The following LSM14A variants were observed in gnomAD, a reference collection of about 807,000 sequenced individuals.
The protein encoded by LSM14A is protein LSM14 homolog A.
LSM14A carries 14 observed loss-of-function variants against 52.4 expected under a neutral mutation model. The ratio of observed to expected loss-of-function variants is 0.27; its 90% confidence interval spans 0.18 to 0.42. The LOEUF is 0.42. Among genes scored for constraint, LSM14A ranks in the 10% least tolerant of loss-of-function variants. The probability of loss-of-function intolerance (pLI) is 1.00; values close to 1 mark genes in which losing one functional copy is unlikely to be tolerated. For missense variants in LSM14A, 417 were observed against 581.8 expected (o/e 0.72, Z 2.91); for synonymous variants, 185 against 200.3 (o/e 0.92, Z 0.64).
chr19:34,204,504 G>T (rs944246169), intron 3 of LSM14A, among the ~76,000 whole-genome samples: 3 of 150,452 alleles, frequency 2.0e-5, no homozygotes, highest in Admixed American at 6.6e-5. Context: ...TTGAGGCCAG[G>T]AGTTCAAGAC....
intron 1 of LSM14A, among the ~76,000 whole-genome samples, chr19:34,192,465 A>G (rs1429945877): frequency 4.7e-5 from 7 of 150,250 alleles, no homozygotes; most frequent in African/African-American, 1.2e-4. Flanking sequence ...AGCTAGGACT[A>G]CAGGTGCATG....
intron 4 of LSM14A, among the ~76,000 whole-genome samples, chr19:34,213,035 TA>T (rs2072283893): frequency 6.6e-6 from 1 of 152,032 alleles, no homozygotes; most frequent in Non-Finnish European, 1.5e-5. Context: ...TCTATAGTCC[TA>T]GCTACTCAAG....
At chr19:34,185,306 A>T (rs566713685) in intron 1 of LSM14A, among the ~76,000 whole-genome samples, 3 of 152,228 alleles carry the variant, frequency 2.0e-5, no homozygotes, top group African/African-American at 4.8e-5. Flanking sequence ...AATATTGCAG[A>T]CACAAGGGCA....
chr19:34,214,658 A>T (rs1284076260), intron 4 of LSM14A, among the ~76,000 whole-genome samples: 1 of 152,188 alleles, frequency 6.6e-6, no homozygotes, highest in African/African-American at 2.4e-5. Flanking sequence ...CTGTAGATAG[A>T]TGTAAAGGTA....
At chr19:34,185,531 G>A (rs563153311) in intron 1 of LSM14A, among the ~76,000 whole-genome samples, 1 of 152,158 alleles carries the variant, frequency 6.6e-6, no homozygotes, top group Non-Finnish European at 1.5e-5. Flanking sequence ...CCAAGAGCTG[G>A]ACTGTCGAAT....
At chr19:34,222,575 G>T (rs1012439001) in intron 9 of LSM14A, among the ~76,000 whole-genome samples, 1 of 152,200 alleles carries the variant, frequency 6.6e-6, no homozygotes. Context: ...GCAACAGGCA[G>T]CTGGAAACAG....
chr19:34,174,530 A>T (rs754942603), intron 1 of LSM14A, among the ~76,000 whole-genome samples: 6 of 152,202 alleles, frequency 3.9e-5, no homozygotes. Context: ...ACACCTGTAG[A>T]CTTGGCGGTT....
chr19:34,215,728 T>C (rs2072531954), intron 6 of LSM14A, 67 bp downstream of exon 6: 1 of 1,091,096 alleles, frequency 9.2e-7, no homozygotes, highest in Non-Finnish European at 1.4e-6. Flanking sequence ...AAATATATGA[T>C]ACATAATTAC....
rs188261868 is a variant in LSM14A, at chr19:34,199,450, G to A, written c.415+2687G>A. ...CCAGCCAGGTGTTAATTCTTAAACT[G>A]TTTTGTATGTATTATAGGAAAGGGC... On this transcript the variant is annotated intron_variant, in intron 3 of 9. Transcript: ENST00000544216. Among the ~76,000 whole-genome samples the A allele has an allele frequency of 5.2e-4, 79 of 152,146 alleles. 1 individual carries two copies. The highest frequency in any genetic ancestry group is 5.0e-3 in the Admixed American group (76 of 15,268).
intron 3 of LSM14A, among the ~76,000 whole-genome samples, chr19:34,203,294 G>C (rs936521488): frequency 1.3e-5 from 2 of 152,146 alleles, no homozygotes; most frequent in Non-Finnish European, 2.9e-5. Context: ...GCCAGATGGA[G>C]GAGTATTGGC....
At chr19:34,215,468 A>G (rs1373925689) in intron 5 of LSM14A, 128 bp from the exon 6 acceptor site, 9 of 1,092,196 alleles carry the variant, frequency 8.2e-6, no homozygotes, top group Admixed American at 2.3e-5. Context: ...TGGTGTGGGT[A>G]TAGTTTTTTG....
intron 6 of LSM14A, among the ~76,000 whole-genome samples, chr19:34,216,412 CAA>C (rs561861445): frequency 1.5e-5 from 2 of 135,980 alleles, no homozygotes; most frequent in African/African-American, 2.7e-5. Flanking sequence ...GACTCTGTCT[CAA>C]AAAAAAAAAA....
intron 6 of LSM14A, among the ~76,000 whole-genome samples, chr19:34,218,991 T>C (rs1322948860): frequency 2.0e-5 from 3 of 152,208 alleles, no homozygotes; most frequent in Non-Finnish European, 4.4e-5. Flanking sequence ...TTTCTACATT[T>C]TGAGAACCCA....
At chr19:34,215,047 T>C (rs1224577086) in intron 4 of LSM14A, 77 bp from the exon 5 acceptor site, 7 of 1,227,910 alleles carry the variant, frequency 5.7e-6, no homozygotes, top group Non-Finnish European at 6.8e-6. Flanking sequence ...AATAAAACTC[T>C]GGACAATTTT....
intron 4 of LSM14A, among the ~76,000 whole-genome samples, chr19:34,210,050 G>T (rs1359544438): frequency 1.3e-5 from 2 of 151,810 alleles, no homozygotes; most frequent in African/African-American, 4.8e-5. Flanking sequence ...CTTTAGAAAT[G>T]GGTATTTTTG....
chr19:34,175,760 C>A (rs1213470017), intron 1 of LSM14A, among the ~76,000 whole-genome samples: 2 of 152,054 alleles, frequency 1.3e-5, no homozygotes, highest in East Asian at 3.8e-4. Context: ...TTGAGTAATT[C>A]GATATCAGAA....
intron 9 of LSM14A, among the ~76,000 whole-genome samples, chr19:34,225,560 G>A (rs1015521589): frequency 6.6e-6 from 1 of 152,130 alleles, no homozygotes; most frequent in African/African-American, 2.4e-5. Flanking sequence ...AATGAGCTTG[G>A]TTGTTTAATG....
intron 1 of LSM14A, among the ~76,000 whole-genome samples, chr19:34,192,702 C>T (rs1442856725): frequency 2.7e-5 from 4 of 146,288 alleles, no homozygotes; most frequent in Non-Finnish European, 6.0e-5. Flanking sequence ...GGGCCAGGCG[C>T]GGTAGCTCAC....
intron 9 of LSM14A, chr19:34,221,972 C>T (rs639810): frequency 0.3 from 142,739 of 473,054 alleles, 22,633 homozygotes; most frequent in African/African-American, 0.39. Flanking sequence ...TTTTAACACC[C>T]AAAGAGTCTA....
Sources: gnomAD v4.1 joint callset for allele counts (sites outside exome capture counted in the v4.1 genomes callset) on GRCh38, gnomAD v4.1.1 for gene constraint, MANE v1.5 for transcripts, NCBI Gene and HGNC (gene_info 2026-07-23, HGNC 2026-07-21) for gene names.